Variants in RNASEL observed in about 807,000 individuals in gnomAD.
RNASEL encodes the protein 2-5A-dependent ribonuclease.
A neutral mutation model predicts 50.9 loss-of-function variants in RNASEL; 36 were observed. That is an observed-to-expected ratio of 0.71 (90% CI 0.54 to 0.93). The LOEUF (loss-of-function observed/expected upper bound fraction) is 0.93, where lower values mean the gene tolerates loss of function less well. Ranked by LOEUF, RNASEL falls within the 40% of genes least tolerant of loss-of-function variation. The pLI, the probability that RNASEL is intolerant of heterozygous loss-of-function variation, is 0.00. For synonymous variants in RNASEL, 335 were observed against 335.6 expected, an observed-to-expected ratio of 1.00 and a Z score of 0.02; for missense variants, 860 against 894.5, an observed-to-expected ratio of 0.96 and a Z score of 0.49.
chr1:182,579,631 A>G, intron 5 of RNASEL: 1 of 1,150,050 alleles, frequency 8.7e-7, no homozygotes, highest in South Asian at 1.7e-5. Flanking sequence ...TGGGCAAGTC[A>G]ACAGAAAAAC....
Position 182,586,526 on chromosome 1 carries a change from G to A in RNASEL, c.281C>T (p.Thr94Met), listed in dbSNP as rs141809307. The A allele has an allele frequency of 1.4e-5, 23 of 1,609,898 alleles. No homozygotes were observed. Among genetic ancestry groups the A allele is most frequent in the Non-Finnish European group, 1.9e-5 (22 of 1,177,140 alleles). The change falls in exon 2 of 7, where the codon ACG becomes ATG. Residue 94 changes from threonine to methionine, a missense_variant. Coordinates refer to ENST00000367559, the MANE Select transcript of RNASEL (RefSeq NM_021133.4). ...DPVLRKKNGA[T>M]PFILAAIAGS... Reference sequence around the variant, plus strand: ...CGCAATCGCTGCGAGGATAAAAGGCGTGGCCCCATTCTTCTTCCTCAGAAC... The same window carrying A: ...CGCAATCGCTGCGAGGATAAAAGGCATGGCCCCATTCTTCTTCCTCAGAAC...
At chr1:182,583,759 C>T (rs997830460) in intron 3 of RNASEL, among the ~76,000 whole-genome samples, 12 of 152,214 alleles carry the variant, frequency 7.9e-5, no homozygotes, top group Non-Finnish European at 1.6e-4. Flanking sequence ...AGTTCTTCAG[C>T]TTATGGAGTT....
chr1:182,576,624 T>TGGGGG, intron 5 of RNASEL: 5 of 408,242 alleles, frequency 1.2e-5, no homozygotes, highest in South Asian at 3.0e-5. Context: ...CCCAGCACTT[T>TGGGGG]CAGAGGCCGA....
Position 182,576,350 on chromosome 1 carries a change from C to T in RNASEL, c.1945G>A (p.Glu649Lys). Residue 649 changes from glutamate (E) to lysine (K), a missense_variant, in exon 6 of 7, where the codon GAA becomes AAA. By Grantham distance (56) the Glu-to-Lys change is moderately conservative. Transcript: ENST00000367559. ...TTCTGGTAGAAATTGCCTCTTTTTT[C>T]ATAAAACTTATTCATTTTTTTCATA... is the stretch of plus-strand genomic sequence containing the variant. ...CVMKKMNKFY[E>K]KRGNFYQNTV... 2.5e-6 allele frequency: 4 copies of T among 1,599,904 alleles called. No homozygotes were observed. Among genetic ancestry groups the T allele is most frequent in the East Asian group, 4.5e-5 (2 of 44,718 alleles).
At chr1:182,588,053 C>T (rs1661633404) in intron 1 of RNASEL, among the ~76,000 whole-genome samples, 1 of 152,156 alleles carries the variant, frequency 6.6e-6, no homozygotes, top group African/African-American at 2.4e-5. Context: ...GTTCTGAGCA[C>T]ATTTAAGGTA....
chr1:182,585,490 C>T lies in RNASEL; in HGVS notation c.1317G>A (p.Gln439=), dbSNP rs149129827. 2.7e-4 allele frequency: 432 copies of T among 1,614,200 alleles called. 1 individual carries two copies. Among genetic ancestry groups the T allele is most frequent in the Middle Eastern group, 2.3e-3 (14 of 6,062 alleles). The change falls in exon 2 of 7, where the codon CAG becomes CAA. Residue 439 remains glutamine, a synonymous_variant. Coordinates refer to ENST00000367559, the MANE Select transcript of RNASEL (RefSeq NM_021133.4). ...HLFVCVTLCE[Q]TLEACLDVHR... Reference sequence around the variant, plus strand: ...GCACATCCAAACACGCTTCCAGAGTCTGCTCACAGAGGGTGACACACACAA... The same window carrying T: ...GCACATCCAAACACGCTTCCAGAGTTTGCTCACAGAGGGTGACACACACAA...
intron 2 of RNASEL, 102 bp from the exon 3 acceptor site, chr1:182,584,268 C>G: frequency 1.2e-6 from 1 of 823,410 alleles, no homozygotes; most frequent in South Asian, 1.4e-5. Context: ...AAATCATCAT[C>G]TCTGTGGAAG....
chr1:182,574,348 C>G lies in RNASEL; in HGVS notation c.*1044G>C, dbSNP rs1179658818. 2.6e-5 allele frequency: 6 copies of G among 227,282 alleles called. No individual in the cohort carries two copies. The Admixed American group carries it at 2.8e-4, about 11-fold the overall frequency. 14.1% of individuals were successfully genotyped at this position (227,282 alleles called of 1,614,324 possible). ...GGGTGCTTGGGAGCCAGAAGGAGCT[C>G]CTAGACTGGGTATGGGAAGTGAGGG... On this transcript the variant is annotated 3_prime_UTR_variant, in exon 7 of 7. Coordinates refer to ENST00000367559, the MANE Select transcript of RNASEL (RefSeq NM_021133.4).
Position 182,581,232 on chromosome 1 carries a change from G to A in RNASEL, c.1898C>T (p.Thr633Met), listed in dbSNP as rs746370635. 2.4e-5 allele frequency: 38 copies of A among 1,613,968 alleles called. No homozygotes were observed. The highest frequency in any genetic ancestry group is 2.5e-5 in the Non-Finnish European group (29 of 1,179,988). ...TATAGGAATTGTTCATACCTTAGTC[G>A]TCCACTTGTCAAAACTTTTGGAATG... ...SEHSKSFDKW[T>M]TKINECVMKK... Residue 633 changes from threonine to methionine, a missense_variant, in exon 5 of 7, where the codon ACG (threonine) becomes ATG (methionine). Transcript: ENST00000367559.
chr1:182,576,377 C>G lies in RNASEL; in HGVS notation c.1918G>C (p.Val640Leu). Residue 640 changes from valine to leucine, a missense_variant, in exon 6 of 7, where the codon GTT becomes CTT. By Grantham distance (32) the Val-to-Leu change is conservative. Coordinates refer to ENST00000367559, the MANE Select transcript of RNASEL (RefSeq NM_021133.4). ...DKWTTKINEC[V>L]MKKMNKFYEK... ...TAAAACTTATTCATTTTTTTCATAA[C>G]ACATTCATTAATCTAAAAAAACAAA... 2 of 1,576,482 alleles carry G rather than the reference C, an allele frequency of 1.3e-6. No individual in the cohort carries two copies. The highest frequency in any genetic ancestry group is 1.7e-6 in the Non-Finnish European group (2 of 1,148,840).
intron 5 of RNASEL, chr1:182,579,477 G>A: frequency 9.8e-7 from 1 of 1,021,990 alleles, no homozygotes; most frequent in Non-Finnish European, 1.2e-6. Context: ...CTGGCCAGGT[G>A]CACTCTGTGC....
Position 182,584,183 on chromosome 1 carries a change from A to G in RNASEL, c.1481-17T>C. On this transcript the variant is annotated splice_polypyrimidine_tract_variant and intron_variant, in intron 2 of 6. Coordinates refer to ENST00000367559, the MANE Select transcript of RNASEL (RefSeq NM_021133.4). Reference sequence around the variant, plus strand: ...TCTTAGAATCTAAGGAAAAGTTTGCAGAGGCACATTGAAAATACTCATTCT... The same window carrying G: ...TCTTAGAATCTAAGGAAAAGTTTGCGGAGGCACATTGAAAATACTCATTCT... 6.4e-7 allele frequency: 1 copy of G among 1,565,134 alleles called. No homozygotes were observed. The highest frequency in any genetic ancestry group is 8.8e-7 in the Non-Finnish European group (1 of 1,135,260).
chr1:182,582,531 T>G (rs572899565), intron 3 of RNASEL, among the ~76,000 whole-genome samples: 1 of 152,138 alleles, frequency 6.6e-6, no homozygotes, highest in Non-Finnish European at 1.5e-5. Flanking sequence ...GAGCTGGGCC[T>G]CAAATGTATG....
Position 182,585,379 on chromosome 1 carries a change from G to A in RNASEL, c.1428C>T (p.His476=). 1.2e-6 allele frequency: 2 copies of A among 1,614,208 alleles called. No individual in the cohort carries two copies. The highest frequency in any genetic ancestry group is 1.7e-6 in the Non-Finnish European group (2 of 1,180,018). ...CCTGGTGGGTGTATCCACAGGACAAGTGTAGTTCTTGAACAGCCTTAAATA... is the reference window on the plus strand; with the variant it reads ...CCTGGTGGGTGTATCCACAGGACAAATGTAGTTCTTGAACAGCCTTAAATA... ...SSIFKAVQEL[H]LSCGYTHQDL... is the part of the protein sequence containing the mutation. The change falls in exon 2 of 7, where the codon CAC becomes CAT. Residue 476 remains histidine (H), a synonymous_variant. Transcript: ENST00000367559.
chr1:182,586,896 T>C lies in RNASEL; in HGVS notation c.-90A>G. ...AGCACTTAATCAAAGAAGCTTTGAG[T>C]GTAAATTGGGATTCTCTGGCAACAG... is the stretch of plus-strand genomic sequence containing the variant. On this transcript the variant is annotated 5_prime_UTR_variant, in exon 2 of 7. Coordinates refer to ENST00000367559, the MANE Select transcript of RNASEL (RefSeq NM_021133.4). 3.2e-6 allele frequency: 5 copies of C among 1,561,588 alleles called. No individual in the cohort carries two copies. The South Asian group carries it at 5.6e-5, about 17-fold the overall frequency.
chr1:182,587,046 G>A (rs1435176064), intron 1 of RNASEL, 76 bp from the exon 2 acceptor site: 1 of 401,574 alleles, frequency 2.5e-6, no homozygotes, highest in Non-Finnish European at 4.4e-6. Context: ...AATTATATTA[G>A]CATTTTTTCT....
At chr1:182,581,477 T>C (rs1184836815) in intron 4 of RNASEL, 120 bp from the exon 5 acceptor site, 57 of 836,026 alleles carry the variant, frequency 6.8e-5, no homozygotes, top group South Asian at 4.3e-4. Context: ...TTCTTTCTTT[T>C]TTTTTTTTTT....
In RNASEL at chr1:182,586,550, A is replaced by G. The variant is rs1329233491; in HGVS notation, c.257T>C (p.Val86Ala). 6.2e-7 allele frequency: 1 copy of G among 1,607,856 alleles called. No homozygotes were observed. The highest frequency in any genetic ancestry group is 1.3e-5 in the African/African-American group (1 of 74,658). The stretch of plus-strand genomic sequence containing the variant: ...CGTGGCCCCATTCTTCTTCCTCAGA[A>G]CAGGGTCAGCACCATGACGAAGCAG... ...ELLLRHGADP[V>A]LRKKNGATPF... The change falls in exon 2 of 7, where the codon GTT becomes GCT. Residue 86 changes from valine (V) to alanine (A), a missense_variant. Physicochemically the swap from Val to Ala is moderately conservative, Grantham distance 64. Transcript: ENST00000367559.
chr1:182,579,570 A>C, intron 5 of RNASEL: 1 of 1,143,408 alleles, frequency 8.7e-7, no homozygotes, highest in Non-Finnish European at 1.1e-6. Context: ...CAAGCTGGAA[A>C]ACTTGGGCTC....
Sources: allele counts gnomAD v4.1 joint callset (sites outside exome capture counted in the v4.1 genomes callset), GRCh38; gene constraint gnomAD v4.1.1; transcripts MANE v1.5; gene names NCBI Gene and HGNC (gene_info 2026-07-23, HGNC 2026-07-21).